PIK3R6: variants seen among roughly 807,000 people sequenced by gnomAD.
PIK3R6 encodes phosphoinositide-3-kinase regulatory subunit 6.
A neutral mutation model predicts 84.9 loss-of-function variants in PIK3R6; 91 were observed. The ratio of observed to expected loss-of-function variants is 1.07; its 90% CI spans 0.90 to 1.28. The LOEUF is 1.28. Ranked by LOEUF, PIK3R6 falls within the 50% of genes most tolerant of loss-of-function variation. PIK3R6 has a pLI of 0.00. For missense variants in PIK3R6, 996 were observed against 985.1 expected (o/e 1.01, Z -0.15); for synonymous variants, 416 against 411.4 (o/e 1.01, Z -0.13).
At chr17:8,865,962 A>G (rs567340509) in intron 1 of PIK3R6, among the ~76,000 whole-genome samples, 1 of 152,116 alleles carries the variant, frequency 6.6e-6, no homozygotes, top group Non-Finnish European at 1.5e-5. Context: ...CAGGGACCAG[A>G]TGGCGATGAC....
chr17:8,837,028 G>A (rs1410664944), intron 5 of PIK3R6, 105 bp from the exon 6 acceptor site: 56 of 861,346 alleles, frequency 6.5e-5, no homozygotes, highest in Non-Finnish European at 1.1e-5. Flanking sequence ...GGGCTTGGGA[G>A]AAGAGGTGGA....
rs1350702466 is a variant in PIK3R6, at chr17:8,835,364, G to T, written c.554C>A (p.Pro185Gln). ...GACCACGTGGCGCATGCAGGTCTCTGGTGTCTGCTGCGCCTGGGCCGCCTC... is the reference window on the plus strand; with the variant it reads ...GACCACGTGGCGCATGCAGGTCTCTTGTGTCTGCTGCGCCTGGGCCGCCTC... The part of the protein sequence containing the change: ...EIEAAQAQQT[P>Q]ETCMRHVVSH... The change falls in exon 8 of 20, where the codon CCA becomes CAA. Residue 185 changes from proline to glutamine, a missense_variant. Physicochemically the swap from Pro to Gln is moderately conservative, Grantham distance 76 (BLOSUM62 -1). Coordinates refer to ENST00000619866, the MANE Select transcript of PIK3R6 (RefSeq NM_001010855.4). The T allele has an allele frequency of 6.2e-7, 1 of 1,611,902 alleles. No homozygotes were observed. The highest frequency in any genetic ancestry group is 1.7e-5 in the Admixed American group (1 of 59,874).
intron 19 of PIK3R6, 36 bp downstream of exon 19, chr17:8,804,005 G>T (rs1001580506): frequency 9.0e-6 from 14 of 1,555,856 alleles, no homozygotes; most frequent in Non-Finnish European, 1.2e-5. Flanking sequence ...TGTCCCACGG[G>T]CCCTGGACAT....
intron 1 of PIK3R6, among the ~76,000 whole-genome samples, chr17:8,854,665 T>G (rs1399965515): frequency 6.6e-6 from 1 of 152,272 alleles, no homozygotes; most frequent in East Asian, 1.9e-4. Context: ...AGCAAAACCT[T>G]GACGTAAATT....
rs921919381 is a variant in PIK3R6, at chr17:8,838,327, C to T, written c.189+237G>A. 32 of 485,448 alleles carry T rather than the reference C, an allele frequency of 6.6e-5. No individual in the cohort carries two copies. The Admixed American group carries it at 7.5e-4, about 11-fold the overall frequency. The allele number at this position is 485,448 out of a possible 1,614,324, so 30.1% of individuals were successfully genotyped here. On this transcript the variant is annotated intron_variant, in intron 4 of 19. Transcript: ENST00000619866. ...TTTCTGACAAGTGATGCGGGTTTTC[C>T]ATTTGTGGTCGCGTTATAGTGCTTC...
rs1555539289 is a variant in PIK3R6 at position 8,853,497 on chromosome 17, A to AT, written c.-91-3613_-91-3612insA. ...AAGACTCCATCTCAAAAAAAAAAAA[A>AT]AATAATAATAATAATAATAAAATAA... On this transcript the variant is annotated intron_variant, in intron 1 of 19. Transcript: ENST00000619866. Among the ~76,000 whole-genome samples the AT allele has an allele frequency of 2.2e-3, 314 of 141,536 alleles. 2 individuals carry two copies. Among genetic ancestry groups the AT allele is most frequent in the African/African-American group, 7.2e-3 (276 of 38,082 alleles). 92.9% of individuals were successfully genotyped at this position (141,536 alleles called of 152,430 possible).
rs940489394 is a variant in PIK3R6 at position 8,802,893 on chromosome 17, C to A, written c.*380G>T. 2.1e-5 allele frequency: 4 copies of A among 188,814 alleles called. No individual in the cohort carries two copies. In the Admixed American group the frequency reaches 2.2e-4, roughly 11 times the overall value. 11.7% of individuals were successfully genotyped at this position (188,814 alleles called of 1,614,324 possible). ...TGCTGTTCCTTGCTTCCAATTTTCC[C>A]CTAGGCCACAGGGCTCTGGCCAAGA... On this transcript the variant is annotated 3_prime_UTR_variant, in exon 20 of 20. Transcript: ENST00000619866.
intron 18 of PIK3R6, among the ~76,000 whole-genome samples, chr17:8,816,335 G>C (rs1451603982): frequency 1.3e-5 from 2 of 152,128 alleles, no homozygotes; most frequent in African/African-American, 4.8e-5. Flanking sequence ...TGCAACCAAT[G>C]TGATAAGAGA....
At chr17:8,827,124 C>G in intron 13 of PIK3R6, 48 bp downstream of exon 13, 1 of 1,598,006 alleles carries the variant, frequency 6.3e-7, no homozygotes, top group East Asian at 2.3e-5. Context: ...CTGCCCAGAC[C>G]CCACTCCCGT....
chr17:8,806,916 A>G (rs911668826), intron 18 of PIK3R6, among the ~76,000 whole-genome samples: 2 of 152,180 alleles, frequency 1.3e-5, no homozygotes, highest in African/African-American at 4.8e-5. Context: ...ATGTATGTGG[A>G]CCTGCCTGGT....
Position 8,818,345 on chromosome 17 carries a change from T to C in PIK3R6, c.1995+738A>G, listed in dbSNP as rs187927232. The stretch of plus-strand genomic sequence containing the variant: ...TGGGTAGAGAGGAAATGGATAGTCT[T>C]ATGTCTGTATCAGTAAGTACTGGCC... On this transcript the variant is annotated intron_variant, in intron 18 of 19. Transcript: ENST00000619866. Among the ~76,000 whole-genome samples, 38 of 152,218 alleles carry C rather than the reference T, an allele frequency of 2.5e-4. No individual in the cohort carries two copies. In the East Asian group the frequency reaches 5.2e-3, roughly 21 times the overall value.
chr17:8,829,617 C>T (rs1431418497), intron 10 of PIK3R6, 89 bp downstream of exon 10: 18 of 1,295,910 alleles, frequency 1.4e-5, no homozygotes, highest in Middle Eastern at 1.8e-4. Context: ...CACTGACACA[C>T]GCATGCACAC....
intron 1 of PIK3R6, among the ~76,000 whole-genome samples, chr17:8,853,403 T>C (rs2089030168): frequency 6.8e-6 from 1 of 147,002 alleles, no homozygotes; most frequent in South Asian, 2.1e-4. Flanking sequence ...GAGAATGGTG[T>C]GAACTCGGGC....
intron 1 of PIK3R6, among the ~76,000 whole-genome samples, chr17:8,857,187 AGAAT>A (rs2089162039): frequency 6.6e-6 from 1 of 152,204 alleles, no homozygotes; most frequent in Non-Finnish European, 1.5e-5. Flanking sequence ...GCTAGTCATT[AGAAT>A]GCGAACTCGG....
intron 8 of PIK3R6, among the ~76,000 whole-genome samples, chr17:8,834,267 T>C (rs1221124678): frequency 6.6e-6 from 1 of 151,392 alleles, no homozygotes; most frequent in Non-Finnish European, 1.5e-5. Context: ...GTTAGGCATG[T>C]GCATGTTGGG....
intron 13 of PIK3R6, among the ~76,000 whole-genome samples, chr17:8,823,886 A>G (rs1306357326): frequency 2.0e-5 from 3 of 152,156 alleles, no homozygotes; most frequent in Non-Finnish European, 4.4e-5. Context: ...TTCAAACTCT[A>G]TGAGGCCCGA....
At chr17:8,865,984 A>C (rs1282046406) in intron 1 of PIK3R6, among the ~76,000 whole-genome samples, 1 of 152,150 alleles carries the variant, frequency 6.6e-6, no homozygotes, top group African/African-American at 2.4e-5. Context: ...GCAGCTTGGC[A>C]TCTGCAGCCA....
chr17:8,833,560 G>A (rs867971602), intron 8 of PIK3R6, among the ~76,000 whole-genome samples: 1 of 56,304 alleles, frequency 1.8e-5, no homozygotes, highest in Admixed American at 1.8e-4. Context: ...TTTTTTTTTT[G>A]AGACGGAGTC....
chr17:8,853,926 G>A (rs1304413553), intron 1 of PIK3R6, among the ~76,000 whole-genome samples: 1 of 148,156 alleles, frequency 6.7e-6, no homozygotes, highest in Non-Finnish European at 1.5e-5. Flanking sequence ...TCATGCCACT[G>A]TACTCTAGCC....
Sources: gnomAD v4.1 joint callset for allele counts (sites outside exome capture counted in the v4.1 genomes callset) on GRCh38, gnomAD v4.1.1 for gene constraint, MANE v1.5 for transcripts, NCBI Gene and HGNC (gene_info 2026-07-23, HGNC 2026-07-21) for gene names.